FRMD3: variants seen among roughly 807,000 people sequenced by gnomAD.
FRMD3 encodes the protein FERM domain containing 3.
Under a neutral mutation model 70.2 loss-of-function variants are expected in FRMD3, and 33 were observed. That is an observed-to-expected ratio of 0.47 (90% CI 0.36 to 0.63). The LOEUF is 0.63. FRMD3 is among the 20% of genes least tolerant of loss of function. The pLI is 0.00. For synonymous variants in FRMD3, 279 were observed against 255.9 expected, an observed-to-expected ratio of 1.09 and a Z score of -0.86; for missense variants, 632 against 711.4, an observed-to-expected ratio of 0.89 and a Z score of 1.27.
chr9:83,464,653 T>C (rs1828069814), intron 1 of FRMD3, among the ~76,000 whole-genome samples: 1 of 152,150 alleles, frequency 6.6e-6, no homozygotes, highest in African/African-American at 2.4e-5. Context: ...GGACACCTCG[T>C]TCCTGGGTTG....
the FRMD3 span, among the ~76,000 whole-genome samples, chr9:83,554,187 G>A: frequency 2.0e-5 from 3 of 152,142 alleles, no homozygotes; most frequent in Admixed American, 6.5e-5. Context: ...AGGCTCATCG[G>A]TCAGTTTGTA....
intron 1 of FRMD3, among the ~76,000 whole-genome samples, chr9:83,503,451 C>A (rs773287905): frequency 2.1e-4 from 32 of 152,182 alleles, no homozygotes; most frequent in Non-Finnish European, 8.8e-5. Context: ...TCTACAACTG[C>A]AAAGAACTGA....
At chr9:83,336,404 C>T (rs981747171) in intron 5 of FRMD3, among the ~76,000 whole-genome samples, 2 of 151,310 alleles carry the variant, frequency 1.3e-5, no homozygotes, top group African/African-American at 4.9e-5. Flanking sequence ...GGTGGTACCA[C>T]CTTTAGATGG....
intron 1 of FRMD3, among the ~76,000 whole-genome samples, chr9:83,467,025 A>G (rs980484135): frequency 6.6e-6 from 1 of 152,168 alleles, no homozygotes; most frequent in Non-Finnish European, 1.5e-5. Context: ...AGACACCCAG[A>G]CCTAGGTCTG....
the FRMD3 span, among the ~76,000 whole-genome samples, chr9:83,581,377 C>T: frequency 6.6e-6 from 1 of 152,118 alleles, no homozygotes; most frequent in Admixed American, 6.5e-5. Flanking sequence ...GCTCAACTTC[C>T]GTAATCATTG....
chr9:83,475,631 T>A (rs1231352084), intron 1 of FRMD3, among the ~76,000 whole-genome samples: 1 of 152,134 alleles, frequency 6.6e-6, no homozygotes, highest in East Asian at 1.9e-4. Flanking sequence ...AGGAAAAAAA[T>A]TCATAGCTAA....
rs1258488299 is a variant in FRMD3, at chr9:83,247,399, T to C, written c.*519A>G. 1 of 965,506 alleles carries C rather than the reference T, an allele frequency of 1.0e-6. No homozygotes were observed. Among genetic ancestry groups the C allele is most frequent in the Admixed American group, 6.4e-5 (1 of 15,696 alleles). 59.8% of individuals were successfully genotyped at this position (965,506 alleles called of 1,614,324 possible). Reference sequence around the variant, plus strand: ...CAGGAGGCTTCTTTTTTTTTTTTGCTAAAAATTTACCAAAATAGTTTGAAC... The same window carrying C: ...CAGGAGGCTTCTTTTTTTTTTTTGCCAAAAATTTACCAAAATAGTTTGAAC... On this transcript the variant is annotated 3_prime_UTR_variant, in exon 14 of 14. Coordinates refer to ENST00000304195, the MANE Select transcript of FRMD3 (RefSeq NM_174938.6).
intron 1 of FRMD3, among the ~76,000 whole-genome samples, chr9:83,462,638 G>T (rs1427458373): frequency 6.6e-6 from 1 of 152,020 alleles, no homozygotes; most frequent in Non-Finnish European, 1.5e-5. Flanking sequence ...CATCTCAAAG[G>T]CTCTTATTTC....
Position 83,247,694 on chromosome 9 carries a change from G to C in FRMD3, c.*224C>G. 1 of 1,320,856 alleles carries C rather than the reference G, an allele frequency of 7.6e-7. No homozygotes were observed. Among genetic ancestry groups the C allele is most frequent in the Non-Finnish European group, 9.8e-7 (1 of 1,019,338 alleles). The allele number at this position is 1,320,856 out of a possible 1,614,324, so 81.8% of individuals were successfully genotyped here. ...ATAATAAAAAATAAACATATTTTTG[G>C]TTATTTAAAGACCATCTTCCTAACC... On this transcript the variant is annotated 3_prime_UTR_variant, in exon 14 of 14. Coordinates refer to ENST00000304195, the MANE Select transcript of FRMD3 (RefSeq NM_174938.6).
At chr9:83,363,778 T>C (rs1345181770) in intron 3 of FRMD3, among the ~76,000 whole-genome samples, 3 of 152,032 alleles carry the variant, frequency 2.0e-5, no homozygotes, top group Non-Finnish European at 2.9e-5. Context: ...ATGGTCTCGA[T>C]CTCCTGACCT....
In FRMD3 at chr9:83,424,563, C is replaced by A. The variant is rs116244111; in HGVS notation, c.148-34855G>T. On this transcript the variant is annotated intron_variant, in intron 1 of 13. Transcript: ENST00000304195. Reference sequence around the variant, plus strand: ...CATGTGCAAAAATTCAATGTGGCTGCATTAGTACAACATATTTAGAGTAAT... The same window carrying A: ...CATGTGCAAAAATTCAATGTGGCTGAATTAGTACAACATATTTAGAGTAAT... Among the ~76,000 whole-genome samples the A allele has an allele frequency of 3.9e-3, 598 of 152,226 alleles. 4 individuals are homozygous for A. Among genetic ancestry groups the A allele is most frequent in the African/African-American group, 0.014 (567 of 41,546 alleles).
At chr9:83,419,137 G>A (rs1826545623) in intron 1 of FRMD3, among the ~76,000 whole-genome samples, 1 of 152,088 alleles carries the variant, frequency 6.6e-6, no homozygotes, top group South Asian at 2.1e-4. Context: ...GACTCGGAAG[G>A]GGAAGGGTAG....
rs779012518 is a variant in FRMD3, at chr9:83,311,934, T to C, written c.726A>G (p.Ala242=). Residue 242 remains alanine, a synonymous_variant, in exon 8 of 14, where the codon GCA becomes GCG. Transcript: ENST00000304195. ...GTTTFLGFTA[A]GFVVFQGNKR... Reference sequence around the variant, plus strand: ...TATTTCCCTGAAAGACCACAAAGCCTGCAGCTGTGAATCCTAAAAATGTTG... The same window carrying C: ...TATTTCCCTGAAAGACCACAAAGCCCGCAGCTGTGAATCCTAAAAATGTTG... 14 of 1,609,508 alleles carry C rather than the reference T, an allele frequency of 8.7e-6. No individual in the cohort carries two copies. Among genetic ancestry groups the C allele is most frequent in the Admixed American group, 1.7e-5 (1 of 59,456 alleles).
At chr9:83,504,030 T>G (rs1829130057) in intron 1 of FRMD3, among the ~76,000 whole-genome samples, 1 of 152,190 alleles carries the variant, frequency 6.6e-6, no homozygotes, top group Non-Finnish European at 1.5e-5. Context: ...CTCCGCATCC[T>G]GCTGCAGTTT....
intron 3 of FRMD3, among the ~76,000 whole-genome samples, chr9:83,359,257 T>C (rs1045394884): frequency 6.6e-6 from 1 of 152,170 alleles, no homozygotes; most frequent in Non-Finnish European, 1.5e-5. Context: ...AGAACTCTCT[T>C]AAGGGAGATT....
intron 1 of FRMD3, among the ~76,000 whole-genome samples, chr9:83,415,086 G>C (rs1333906281): frequency 6.6e-6 from 1 of 152,208 alleles, no homozygotes; most frequent in Non-Finnish European, 1.5e-5. Context: ...AGCTACCTCT[G>C]GAGGAGTGAT....
At chr9:83,577,895 G>A in the FRMD3 span, among the ~76,000 whole-genome samples, 1 of 151,766 alleles carries the variant, frequency 6.6e-6, no homozygotes, top group East Asian at 1.9e-4. Flanking sequence ...GACAATAAGA[G>A]TTGCATTTTT....
intron 1 of FRMD3, among the ~76,000 whole-genome samples, chr9:83,504,168 A>G (rs1249725035): frequency 6.6e-6 from 1 of 152,162 alleles, no homozygotes; most frequent in Non-Finnish European, 1.5e-5. Context: ...AGGCCAGGCC[A>G]GTGCTTATCA....
chr9:83,301,474 T>G (rs1587698605), intron 10 of FRMD3, among the ~76,000 whole-genome samples: 2 of 147,430 alleles, frequency 1.4e-5, no homozygotes, highest in South Asian at 2.1e-4. Context: ...TGTGTATGTG[T>G]TTTTTTTTAA....
Sources: gnomAD v4.1 joint callset for allele counts (sites outside exome capture counted in the v4.1 genomes callset) on GRCh38, gnomAD v4.1.1 for gene constraint, MANE v1.5 for transcripts, NCBI Gene and HGNC (gene_info 2026-07-23, HGNC 2026-07-21) for gene names.